Variants in TG observed in about 807,000 individuals in gnomAD.
TG encodes thyroid hormones.
In TG, 270 loss-of-function variants were observed where a neutral mutation model predicts 324.7. The ratio of observed to expected loss-of-function variants is 0.83; its 90% CI spans 0.75 to 0.92. The LOEUF (loss-of-function observed/expected upper bound fraction) is 0.92. Ranked by LOEUF, TG falls within the 40% of genes least tolerant of loss-of-function variation. The pLI is 0.00. For missense variants in TG, 3,591 were observed against 3,456.4 expected (o/e 1.04, Z -0.98); for synonymous variants, 1,401 against 1,327.0 (o/e 1.06, Z -1.21).
rs1289496027 is a variant in TG at position 132,883,188 on chromosome 8, G to A, written c.1075+189G>A. ...CCAACATGTTTCTCATCTTGTGTCA[G>A]ACCTCGTTGCATTTTCAGGGAGCTC... On this transcript the variant is annotated intron_variant, in intron 8 of 47. Transcript: ENST00000220616. 6.3e-6 allele frequency: 4 copies of A among 638,036 alleles called. No homozygotes were observed. In the African/African-American group the frequency reaches 7.3e-5, roughly 12 times the overall value. 39.5% of individuals were successfully genotyped at this position (638,036 alleles called of 1,614,324 possible).
Position 132,882,830 on chromosome 8 carries a change from A to G in TG, c.906A>G (p.Glu302=), listed in dbSNP as rs772628647. 6.2e-7 allele frequency: 1 copy of G among 1,614,110 alleles called. No homozygotes were observed. Among genetic ancestry groups the G allele is most frequent in the Non-Finnish European group, 8.5e-7 (1 of 1,180,046 alleles). Residue 302 remains glutamate, a synonymous_variant, in exon 8 of 48, where the codon GAA becomes GAG. Coordinates refer to ENST00000220616, the MANE Select transcript of TG (RefSeq NM_003235.5). ...TTCCTCTAGGCCCCACAAAATGTGA[A>G]GTGGAGCGGTTTACAGCAACCAGCT... ...SGRFRCPTKC[E]VERFTATSFG...
chr8:133,098,889 G>A (rs1848835872), intron 43 of TG, among the ~76,000 whole-genome samples: 1 of 152,134 alleles, frequency 6.6e-6, no homozygotes, highest in Admixed American at 6.5e-5. Context: ...GGGCTTCCCT[G>A]GTTCAAGCAC....
Position 133,038,550 on chromosome 8 carries a change from A to G in TG, c.7239+8527A>G, listed in dbSNP as rs1837517253. ...TAGTCCTCAAAGTAAGGTGGTGATGAGAAGAATGAGCTCTTTCTCTTGCTG... is the reference window on the plus strand; with the variant it reads ...TAGTCCTCAAAGTAAGGTGGTGATGGGAAGAATGAGCTCTTTCTCTTGCTG... On this transcript the variant is annotated intron_variant, in intron 41 of 47. Transcript: ENST00000220616. 2 of 1,613,736 alleles carry G rather than the reference A, an allele frequency of 1.2e-6. No individual in the cohort carries two copies. Among genetic ancestry groups the G allele is most frequent in the African/African-American group, 1.3e-5 (1 of 75,038 alleles).
chr8:133,123,169 AG>A (rs1378703898), intron 45 of TG, among the ~76,000 whole-genome samples: 2 of 152,070 alleles, frequency 1.3e-5, no homozygotes, highest in African/African-American at 4.8e-5. Context: ...GGAATCTATT[AG>A]AACTGAAGTT....
intron 25 of TG, among the ~76,000 whole-genome samples, chr8:132,936,491 T>A (rs13251221): frequency 6.6e-6 from 1 of 152,244 alleles, no homozygotes; most frequent in Non-Finnish European, 1.5e-5. Flanking sequence ...CCAGTGCTGC[T>A]GGTCCGGGGA....
chr8:132,892,602 C>T (rs1354840202), intron 10 of TG, among the ~76,000 whole-genome samples: 5 of 152,074 alleles, frequency 3.3e-5, no homozygotes, highest in Admixed American at 6.6e-5. Flanking sequence ...AGAGCTGCTG[C>T]GAAGAAAACA....
At chr8:132,881,535 C>T (rs1460150212) in intron 5 of TG, among the ~76,000 whole-genome samples, 1 of 152,128 alleles carries the variant, frequency 6.6e-6, no homozygotes, top group Admixed American at 6.6e-5. Context: ...CCAGTTAATG[C>T]GATTTTCCTT....
intron 20 of TG, among the ~76,000 whole-genome samples, chr8:132,913,597 G>A (rs1340213432): frequency 6.6e-6 from 1 of 152,148 alleles, no homozygotes; most frequent in Non-Finnish European, 1.5e-5. Context: ...CTGTGGCAAT[G>A]TTACTCACCA....
At chr8:132,966,456 GTCTCTCTCTC>G in intron 29 of TG, 94 bp from the exon 30 acceptor site, 1 of 1,174,216 alleles carries the variant, frequency 8.5e-7, no homozygotes, top group Non-Finnish European at 1.2e-6. Context: ...TTCTCTCTCT[GTCTCTCTCTC>G]TGTGTGTGTG....
chr8:132,993,223 T>C (rs1319567938), intron 35 of TG, among the ~76,000 whole-genome samples: 1 of 152,220 alleles, frequency 6.6e-6, no homozygotes, highest in African/African-American at 2.4e-5. Flanking sequence ...AAGGTAAAAG[T>C]GATCAACTAA....
chr8:133,018,229 T>C (rs1835232703), intron 38 of TG, among the ~76,000 whole-genome samples: 1 of 150,308 alleles, frequency 6.7e-6, no homozygotes, highest in African/African-American at 2.4e-5. Context: ...GAGGGGCCTG[T>C]ATGCTCTGCT....
intron 3 of TG, among the ~76,000 whole-genome samples, chr8:132,870,418 G>A (rs898879001): frequency 4.0e-5 from 6 of 148,548 alleles, no homozygotes; most frequent in Non-Finnish European, 8.9e-5. Flanking sequence ...CTCTCCTGCT[G>A]TGTGAGCTTG....
rs1425620165 is a variant in TG at position 133,001,177 on chromosome 8, G to A, written c.6263-10724G>A. On this transcript the variant is annotated intron_variant, in intron 35 of 47. Coordinates refer to ENST00000220616, the MANE Select transcript of TG (RefSeq NM_003235.5). ...TCTGTTAAGAGTCTACCCCAATAAG[G>A]TCACATCCTGAGGACCTACGGGTTA... 3.9e-5 allele frequency among the ~76,000 whole-genome samples: 6 copies of A among 152,238 alleles called. No homozygotes were observed. The East Asian group carries it at 9.6e-4, about 24-fold the overall frequency.
At chr8:133,075,382 C>T (rs1193707051) in intron 41 of TG, among the ~76,000 whole-genome samples, 1 of 152,116 alleles carries the variant, frequency 6.6e-6, no homozygotes, top group South Asian at 2.1e-4. Flanking sequence ...CCGAATGGAC[C>T]CCAGAGCAAT....
rs558189241 is a variant in TG at position 133,122,153 on chromosome 8, G to A, written c.7862+5437G>A. Among the ~76,000 whole-genome samples the A allele has an allele frequency of 7.3e-4, 111 of 152,266 alleles. 1 individual carries two copies. The highest frequency in any genetic ancestry group is 2.4e-4 in the Non-Finnish European group (16 of 68,016). ...TACAACGAATTATTGCTTTCTTATA[G>A]ACTATTGTAAACTGATCACAGAATA... On this transcript the variant is annotated intron_variant, in intron 45 of 47. Transcript: ENST00000220616.
At chr8:133,116,810 C>CCT (rs1346559475) in intron 45 of TG, 94 bp downstream of exon 45, 57 of 943,502 alleles carry the variant, frequency 6.0e-5, no homozygotes, top group Non-Finnish European at 9.1e-5. Flanking sequence ...CCCCTCTAAG[C>CCT]CTCAGTTTCC....
At chr8:132,970,355 G>T (rs1829333360) in intron 32 of TG, among the ~76,000 whole-genome samples, 1 of 152,072 alleles carries the variant, frequency 6.6e-6, no homozygotes, top group Admixed American at 6.6e-5. Flanking sequence ...ATTCTAATGG[G>T]TGAGATCCAC....
chr8:132,938,096 A>G (rs1823874266), intron 25 of TG, among the ~76,000 whole-genome samples: 2 of 151,862 alleles, frequency 1.3e-5, no homozygotes, highest in Admixed American at 1.3e-4. Flanking sequence ...TTCACTTGAA[A>G]CTCAGTTTCT....
At chr8:132,986,496 T>A (rs942200297) in intron 35 of TG, among the ~76,000 whole-genome samples, 2 of 152,076 alleles carry the variant, frequency 1.3e-5, no homozygotes, top group Non-Finnish European at 2.9e-5. Flanking sequence ...TAGTGACTCA[T>A]TCATTGAGTC....
Sources: gnomAD v4.1 joint callset for allele counts (sites outside exome capture counted in the v4.1 genomes callset) on GRCh38, gnomAD v4.1.1 for gene constraint, MANE v1.5 for transcripts, NCBI Gene and HGNC (gene_info 2026-07-23, HGNC 2026-07-21) for gene names.